CAMK1D: variants seen among roughly 807,000 people sequenced by gnomAD.
CAMK1D encodes the protein calcium/calmodulin dependent protein kinase ID.
Under a neutral mutation model 47.7 loss-of-function variants are expected in CAMK1D, and 9 were observed. The ratio of observed to expected loss-of-function variants is 0.19; its 90% CI spans 0.11 to 0.33. The LOEUF is 0.33. Ranked by LOEUF, CAMK1D falls within the 10% of genes least tolerant of loss-of-function variation. The probability of loss-of-function intolerance (pLI) is 1.00; values close to 1 mark genes in which losing one functional copy is unlikely to be tolerated. For synonymous variants in CAMK1D, 184 were observed against 184.9 expected (o/e 0.99, Z 0.04); for missense variants, 291 against 488.7 (o/e 0.60, Z 3.81).
chr10:12,370,820 C>A (rs1837981440), intron 1 of CAMK1D, among the ~76,000 whole-genome samples: 1 of 152,086 alleles, frequency 6.6e-6, no homozygotes, highest in Admixed American at 6.6e-5. Flanking sequence ...GCTGGCCAGG[C>A]TGGTCTCGAA....
intron 8 of CAMK1D, among the ~76,000 whole-genome samples, chr10:12,820,738 C>T (rs1164918271): frequency 2.6e-5 from 4 of 152,208 alleles, no homozygotes; most frequent in Non-Finnish European, 1.5e-5. Flanking sequence ...GGAAGGCAGC[C>T]GGCCTCTTAG....
rs1374276541 is a variant in CAMK1D at position 12,825,556 on chromosome 10, C to T, written c.922-17C>T. 6.3e-7 allele frequency: 1 copy of T among 1,599,910 alleles called. No individual in the cohort carries two copies. Among genetic ancestry groups the T allele is most frequent in the South Asian group, 1.1e-5 (1 of 88,408 alleles). ...AGCTGAAATATTTGTCTGCTTTTTT[C>T]CTTTCTGAAATTTCAGCAAGCATTT... On this transcript the variant is annotated splice_polypyrimidine_tract_variant and intron_variant, in intron 9 of 10. Coordinates refer to ENST00000619168, the MANE Select transcript of CAMK1D (RefSeq NM_153498.4).
intron 1 of CAMK1D, among the ~76,000 whole-genome samples, chr10:12,515,890 C>T (rs924765321): frequency 1.3e-5 from 2 of 152,008 alleles, no homozygotes; most frequent in African/African-American, 4.8e-5. Context: ...GGATTACAGG[C>T]GTGAGCCACC....
intron 3 of CAMK1D, among the ~76,000 whole-genome samples, 173 bp from the exon 4 acceptor site, chr10:12,760,775 C>T (rs896670050): frequency 3.9e-5 from 6 of 152,100 alleles, no homozygotes; most frequent in African/African-American, 1.4e-4. Flanking sequence ...ATTTGCTCTG[C>T]TGTGACATGG....
intron 2 of CAMK1D, among the ~76,000 whole-genome samples, chr10:12,648,441 G>T (rs896139861): frequency 3.6e-4 from 55 of 152,142 alleles, no homozygotes; most frequent in Admixed American, 1.7e-3. Flanking sequence ...ATGGACTTCA[G>T]TGTCTTTCGC....
intron 2 of CAMK1D, among the ~76,000 whole-genome samples, chr10:12,659,596 T>TAA (rs1840216273): frequency 6.6e-6 from 1 of 152,210 alleles, no homozygotes; most frequent in African/African-American, 2.4e-5. Flanking sequence ...CCACACTGAT[T>TAA]ATAATGTGAG....
At chr10:12,633,814 C>T (rs1839443659) in intron 2 of CAMK1D, among the ~76,000 whole-genome samples, 1 of 152,226 alleles carries the variant, frequency 6.6e-6, no homozygotes. Flanking sequence ...ATCTCTGCCT[C>T]CCAAAGTGCT....
At chr10:12,584,065 C>G (rs1386466082) in intron 2 of CAMK1D, among the ~76,000 whole-genome samples, 1 of 152,144 alleles carries the variant, frequency 6.6e-6, no homozygotes, top group Non-Finnish European at 1.5e-5. Flanking sequence ...TCCTTTTTAT[C>G]TTTGCATGCT....
At chr10:12,509,484 C>T (rs1264370689) in intron 1 of CAMK1D, among the ~76,000 whole-genome samples, 1 of 152,194 alleles carries the variant, frequency 6.6e-6, no homozygotes. Context: ...CAGTGGCTCA[C>T]GCCTGTAACC....
intron 5 of CAMK1D, among the ~76,000 whole-genome samples, chr10:12,777,955 A>T (rs1296623890): frequency 6.6e-6 from 1 of 152,160 alleles, no homozygotes; most frequent in East Asian, 1.9e-4. Flanking sequence ...GCCACTTGTG[A>T]TTCAGGGACC....
chr10:12,799,467 A>G (rs1210310263), intron 6 of CAMK1D, among the ~76,000 whole-genome samples: 1 of 152,152 alleles, frequency 6.6e-6, no homozygotes, highest in Non-Finnish European at 1.5e-5. Context: ...GGAAGGAGGG[A>G]GGAAGGAAGA....
At chr10:12,748,517 T>G in intron 3 of CAMK1D, among the ~76,000 whole-genome samples, 1 of 152,168 alleles carries the variant, frequency 6.6e-6, no homozygotes, top group Non-Finnish European at 1.5e-5. Context: ...TGGAAAAGGC[T>G]TGCTTTCTGG....
intron 1 of CAMK1D, among the ~76,000 whole-genome samples, chr10:12,462,755 G>A (rs1413608067): frequency 6.6e-6 from 1 of 152,112 alleles, no homozygotes; most frequent in East Asian, 1.9e-4. Context: ...GCAGTGGCAC[G>A]GTCATAGCCC....
At chr10:12,459,067 C>G (rs188248157) in intron 1 of CAMK1D, among the ~76,000 whole-genome samples, 1 of 151,756 alleles carries the variant, frequency 6.6e-6, no homozygotes, top group Non-Finnish European at 1.5e-5. Context: ...TTAGTAGAGA[C>G]GGGGTTTTGC....
chr10:12,826,488 C>T (rs1833212814), intron 10 of CAMK1D, among the ~76,000 whole-genome samples: 1 of 151,966 alleles, frequency 6.6e-6, no homozygotes, highest in Non-Finnish European at 1.5e-5. Context: ...TGGGCTATTC[C>T]ATCATCGAAG....
intron 1 of CAMK1D, among the ~76,000 whole-genome samples, chr10:12,413,212 G>A (rs1008218115): frequency 6.6e-6 from 1 of 152,106 alleles, no homozygotes; most frequent in East Asian, 1.9e-4. Flanking sequence ...GAGGGGAAAG[G>A]GGGAGCAGGC....
intron 3 of CAMK1D, among the ~76,000 whole-genome samples, chr10:12,732,930 C>T (rs1486562563): frequency 6.6e-6 from 1 of 152,082 alleles, no homozygotes. Context: ...TTCTCAGTTT[C>T]CTCATCTGTT....
At chr10:12,372,386 A>G (rs535585093) in intron 1 of CAMK1D, among the ~76,000 whole-genome samples, 2 of 152,348 alleles carry the variant, frequency 1.3e-5, no homozygotes, top group East Asian at 3.9e-4. Flanking sequence ...ACATAGACCT[A>G]TCTGTCTTGA....
At chr10:12,630,075 T>A (rs1284539713) in intron 2 of CAMK1D, among the ~76,000 whole-genome samples, 1 of 152,146 alleles carries the variant, frequency 6.6e-6, no homozygotes, top group Non-Finnish European at 1.5e-5. Context: ...TGGTTTTGGG[T>A]GTGATTGGAC....
Sources: gnomAD v4.1 joint callset for allele counts (sites outside exome capture counted in the v4.1 genomes callset) on GRCh38, gnomAD v4.1.1 for gene constraint, MANE v1.5 for transcripts, NCBI Gene and HGNC (gene_info 2026-07-23, HGNC 2026-07-21) for gene names.